Variants in AIDA observed in about 807,000 individuals in gnomAD.
The protein encoded by AIDA is axin interactor, dorsalization associated.
In AIDA, 18 loss-of-function variants were observed where a neutral mutation model predicts 42.7. That is an observed-to-expected ratio of 0.42 (90% CI 0.29 to 0.63). AIDA has a LOEUF of 0.63. AIDA is among the 20% of genes least tolerant of loss of function. The pLI, the probability that AIDA is intolerant of heterozygous loss-of-function variation, is 0.19. For synonymous variants in AIDA, 104 were observed against 122.9 expected, an observed-to-expected ratio of 0.85 and a Z score of 1.02; for missense variants, 250 against 354.1, an observed-to-expected ratio of 0.71 and a Z score of 2.36.
chr1:222,699,677 C>G (rs1248975968), intron 2 of AIDA, among the ~76,000 whole-genome samples: 2 of 152,138 alleles, frequency 1.3e-5, no homozygotes, highest in Non-Finnish European at 2.9e-5. Flanking sequence ...CCTCTGATAA[C>G]TTATTCCCTA....
At chr1:222,676,931 AAAAC>A (rs1040649699) in intron 6 of AIDA, among the ~76,000 whole-genome samples, 25 of 151,310 alleles carry the variant, frequency 1.7e-4, no homozygotes, top group African/African-American at 5.8e-4. Flanking sequence ...ACCACAAAAA[AAAAC>A]AAACAAAAAA....
chr1:222,690,706 T>C (rs987605193), intron 4 of AIDA, among the ~76,000 whole-genome samples: 8 of 151,000 alleles, frequency 5.3e-5, no homozygotes, highest in Non-Finnish European at 1.2e-4. Flanking sequence ...TATATACTCT[T>C]CATACATATA....
intron 6 of AIDA, among the ~76,000 whole-genome samples, chr1:222,684,934 T>A (rs1407886204): frequency 1.3e-5 from 2 of 152,192 alleles, no homozygotes; most frequent in African/African-American, 4.8e-5. Context: ...CTGGAAGCTA[T>A]ACCAATTACA....
At chr1:222,678,284 TTTG>T (rs1173896701) in intron 6 of AIDA, among the ~76,000 whole-genome samples, 5 of 151,984 alleles carry the variant, frequency 3.3e-5, no homozygotes, top group African/African-American at 9.7e-5. Flanking sequence ...GTTTGGGGTC[TTTG>T]TTGTCACAAC....
chr1:222,693,531 T>G (rs564254640), intron 4 of AIDA, among the ~76,000 whole-genome samples: 2 of 152,338 alleles, frequency 1.3e-5, no homozygotes, highest in East Asian at 3.9e-4. Context: ...AATTGTGGTT[T>G]TATTAAAGTG....
At chr1:222,699,683 C>A (rs958051048) in intron 2 of AIDA, among the ~76,000 whole-genome samples, 1 of 152,148 alleles carries the variant, frequency 6.6e-6, no homozygotes, top group African/African-American at 2.4e-5. Context: ...ATAACTTATT[C>A]CCTATGTGAC....
chr1:222,707,678 C>T (rs1655879328), intron 1 of AIDA, among the ~76,000 whole-genome samples: 1 of 152,154 alleles, frequency 6.6e-6, no homozygotes, highest in African/African-American at 2.4e-5. Context: ...TACAAAGGTA[C>T]CTACAAGTAA....
chr1:222,689,748 A>C (rs564761206), intron 4 of AIDA, among the ~76,000 whole-genome samples: 1 of 151,760 alleles, frequency 6.6e-6, no homozygotes, highest in South Asian at 2.1e-4. Context: ...TTTATTATTA[A>C]AGACAGGATA....
At chr1:222,686,551 T>G (rs1176821172) in intron 6 of AIDA, among the ~76,000 whole-genome samples, 5 of 152,216 alleles carry the variant, frequency 3.3e-5, no homozygotes, top group Non-Finnish European at 5.9e-5. Context: ...ACATCTTATG[T>G]GACTCTACTG....
chr1:222,707,396 A>G (rs1655872961), intron 1 of AIDA, among the ~76,000 whole-genome samples: 1 of 152,138 alleles, frequency 6.6e-6, no homozygotes, highest in African/African-American at 2.4e-5. Context: ...GAGCTCAAGC[A>G]TTCTACCCAT....
intron 6 of AIDA, 122 bp from the exon 7 acceptor site, chr1:222,676,340 T>C: frequency 8.7e-7 from 1 of 1,155,464 alleles, no homozygotes. Flanking sequence ...ATTATTTTGG[T>C]TCCCGAAACT....
intron 8 of AIDA, among the ~76,000 whole-genome samples, chr1:222,671,706 A>C (rs1664452296): frequency 6.6e-6 from 1 of 152,216 alleles, no homozygotes; most frequent in African/African-American, 2.4e-5. Flanking sequence ...TAGTTAGGTT[A>C]CTGGTAACAT....
At chr1:222,711,193 G>A (rs1048954892) in intron 1 of AIDA, among the ~76,000 whole-genome samples, 4 of 152,026 alleles carry the variant, frequency 2.6e-5, no homozygotes, top group African/African-American at 7.3e-5. Context: ...AATTAATGGC[G>A]AGTTTGCAAA....
At chr1:222,670,279 C>G (rs1339768072) in intron 8 of AIDA, 29 bp from the exon 9 acceptor site, 1 of 1,531,862 alleles carries the variant, frequency 6.5e-7, no homozygotes, top group Non-Finnish European at 9.0e-7. Flanking sequence ...CCACATAAAC[C>G]ACAGATAGCA....
intron 1 of AIDA, among the ~76,000 whole-genome samples, chr1:222,710,303 G>T (rs1655961311): frequency 6.6e-6 from 1 of 151,864 alleles, no homozygotes; most frequent in African/African-American, 2.4e-5. Context: ...ATAATTTGAG[G>T]ACTACTAGAA....
chr1:222,697,133 G>C (rs2124963839), intron 2 of AIDA, among the ~76,000 whole-genome samples: 1 of 151,784 alleles, frequency 6.6e-6, no homozygotes, highest in East Asian at 2.0e-4. Flanking sequence ...ATTAGAGACA[G>C]GGTTTCACCA....
At chr1:222,673,045 G>C (rs1303442155) in intron 8 of AIDA, among the ~76,000 whole-genome samples, 1 of 152,134 alleles carries the variant, frequency 6.6e-6, no homozygotes, top group Non-Finnish European at 1.5e-5. Flanking sequence ...CAGCCCTTTA[G>C]TGTGTGAAAA....
chr1:222,711,073 CGTT>C (rs1656007094), intron 1 of AIDA, among the ~76,000 whole-genome samples: 1 of 114,558 alleles, frequency 8.7e-6, no homozygotes, highest in Non-Finnish European at 1.6e-5. Context: ...TGCCAGAAAT[CGTT>C]GTGTGTCGGG....
chr1:222,709,301 C>A (rs568874288), intron 1 of AIDA, among the ~76,000 whole-genome samples: 3 of 151,952 alleles, frequency 2.0e-5, no homozygotes, highest in African/African-American at 7.2e-5. Flanking sequence ...CGTGGTAGTG[C>A]GCGCCTGTAA....
Sources: gnomAD v4.1 joint callset for allele counts (sites outside exome capture counted in the v4.1 genomes callset) on GRCh38, gnomAD v4.1.1 for gene constraint, MANE v1.5 for transcripts, NCBI Gene and HGNC (gene_info 2026-07-23, HGNC 2026-07-21) for gene names.